Variants in GDF6 observed in about 807,000 individuals in gnomAD.
GDF6 encodes growth/differentiation factor 6.
A neutral mutation model predicts 32.4 loss-of-function variants in GDF6; 3 were observed. The observed-to-expected ratio is 0.09, with a 90% CI of 0.04 to 0.24. The LOEUF (loss-of-function observed/expected upper bound fraction) is 0.24. Among genes scored for constraint, GDF6 ranks in the 10% least tolerant of loss-of-function variants. The pLI is 1.00. For missense variants in GDF6, 589 were observed against 637.9 expected (o/e 0.92, Z 0.83); for synonymous variants, 296 against 295.3 (o/e 1.00, Z -0.03).
chr8:96,151,142 G>A (rs149039134), intron 1 of GDF6, among the ~76,000 whole-genome samples: 2 of 152,200 alleles, frequency 1.3e-5, no homozygotes, highest in Middle Eastern at 3.2e-3. Context: ...CCTCTGTTGA[G>A]ATCTGAGCTT....
chr8:96,145,197 G>A lies in GDF6; in HGVS notation c.734C>T (p.Ala245Val). The A allele has an allele frequency of 6.7e-7, 1 of 1,499,982 alleles. No individual in the cohort carries two copies. Among genetic ancestry groups the A allele is most frequent in the East Asian group, 2.7e-5 (1 of 36,972 alleles). 92.9% of individuals were successfully genotyped at this position (1,499,982 alleles called of 1,614,324 possible). ...AAWGELDAGE[A>V]EARARGPQQP... ...CTGGGGTCCCCGCGCGCGCGCCTCG[G>A]CCTCCCCGGCGTCCAGCTCGCCCCA... Residue 245 changes from alanine to valine, a missense_variant, in exon 2 of 2, where the codon GCC becomes GTC. Physicochemically the swap from Ala to Val is moderately conservative, Grantham distance 64. This residue lies in a region of GDF6 where 436 missense variants were observed against 411.2 expected (regional missense o/e 1.06). Transcript: ENST00000287020. The surrounding 1 kb of genome is among the most constrained non-coding windows in gnomAD (Gnocchi z 5.6).
intron 1 of GDF6, among the ~76,000 whole-genome samples, chr8:96,155,174 C>T (rs1368768409): frequency 2.0e-5 from 3 of 152,236 alleles, no homozygotes; most frequent in Admixed American, 6.5e-5. Context: ...TCCCAGAGGC[C>T]CGAGAGCCTC....
chr8:96,158,728 G>T (rs956916607), intron 1 of GDF6, among the ~76,000 whole-genome samples: 25 of 152,234 alleles, frequency 1.6e-4, no homozygotes, highest in African/African-American at 5.5e-4. Context: ...CAAGGCGTGC[G>T]TCGTGGGGAG....
chr8:96,143,310 A>G lies in GDF6; in HGVS notation c.*1253T>C, dbSNP rs1443864502. 1 of 152,690 alleles carries G rather than the reference A, an allele frequency of 6.5e-6. No individual in the cohort carries two copies. Among genetic ancestry groups the G allele is most frequent in the East Asian group, 1.9e-4 (1 of 5,200 alleles). 9.5% of individuals were successfully genotyped at this position (152,690 alleles called of 1,614,324 possible). A position where few individuals can be genotyped will look rare whatever the true frequency, so the allele number is the denominator to read the frequency against. ...ATTGCTGGCTGGTAATCTTTCAGGA[A>G]TGTCAAAGAGAGGGGAGGGAACTCA... On this transcript the variant is annotated 3_prime_UTR_variant, in exon 2 of 2. Coordinates refer to ENST00000287020, the MANE Select transcript of GDF6 (RefSeq NM_001001557.4).
At position 96,144,794 on chromosome 8, in the gene GDF6, C is replaced by G; in HGVS notation, c.1137G>C (p.Glu379Asp). The change falls in exon 2 of 2, where the codon GAG (glutamate) becomes GAC (aspartate). Residue 379 changes from glutamate (E) to aspartate (D), a missense_variant. Physicochemically the swap from Glu to Asp is conservative, Grantham distance 45. Transcript: ENST00000287020. This position sits in a 1 kb window ranked among gnomAD's most constrained non-coding sequence, Gnocchi z 5.1. Reference sequence around the variant, plus strand: ...CGCATACACCCTCGCAGTGATAGGCCTCGTACTCCAGGGGCGCGATAATCC... The same window carrying G: ...CGCATACACCCTCGCAGTGATAGGCGTCGTACTCCAGGGGCGCGATAATCC... ...DDWIIAPLEY[E>D]AYHCEGVCDF... The G allele has an allele frequency of 6.2e-7, 1 of 1,614,102 alleles. No individual in the cohort carries two copies. Among genetic ancestry groups the G allele is most frequent in the Non-Finnish European group, 8.5e-7 (1 of 1,180,010 alleles).
At position 96,145,047 on chromosome 8, in the gene GDF6, T is replaced by C; in HGVS notation, c.884A>G (p.Glu295Gly). 1 of 1,478,108 alleles carries C rather than the reference T, an allele frequency of 6.8e-7. No homozygotes were observed. The highest frequency in any genetic ancestry group is 1.3e-5 in the South Asian group (1 of 74,728). The allele number at this position is 1,478,108 out of a possible 1,614,324, so 91.6% of individuals were successfully genotyped here. ...CGCAGCCTCGGCCGAGCCCAGCTGC[T>C]CGCGCATCTCTGCGAACAGGTTCTT... ...QRKNLFAEMREQLGSAEAAGP... is the reference protein window; with the variant it reads ...QRKNLFAEMRGQLGSAEAAGP... The change falls in exon 2 of 2, where the codon GAG becomes GGG. Residue 295 changes from glutamate (E) to glycine (G), a missense_variant. Glu to Gly is a moderately conservative substitution (Grantham distance 98). Coordinates refer to ENST00000287020, the MANE Select transcript of GDF6 (RefSeq NM_001001557.4). The surrounding 1 kb of genome is among the most constrained non-coding windows in gnomAD (Gnocchi z 5.6).
intron 1 of GDF6, among the ~76,000 whole-genome samples, chr8:96,150,936 G>A (rs1419205225): frequency 3.9e-5 from 6 of 152,136 alleles, no homozygotes; most frequent in East Asian, 1.9e-4. Context: ...CTCACCTTCC[G>A]CGCTGCACTG....
intron 1 of GDF6, among the ~76,000 whole-genome samples, chr8:96,153,600 C>G (rs1477053320): frequency 6.6e-6 from 1 of 152,160 alleles, no homozygotes; most frequent in Non-Finnish European, 1.5e-5. Context: ...GCTAGGGGAG[C>G]GGAAAGGGAG....
intron 1 of GDF6, among the ~76,000 whole-genome samples, chr8:96,151,925 GGTCAGA>G (rs556071478): frequency 1.8e-4 from 28 of 152,242 alleles, no homozygotes; most frequent in African/African-American, 6.0e-4. Flanking sequence ...TCATTGTAAA[GGTCAGA>G]GTCAAAGTAC....
chr8:96,158,632 T>G (rs898406076), intron 1 of GDF6, among the ~76,000 whole-genome samples: 32 of 152,180 alleles, frequency 2.1e-4, no homozygotes, highest in Non-Finnish European at 1.5e-5. Flanking sequence ...AGCAGTCTTC[T>G]CTGAGCTTCC....
Position 96,144,290 on chromosome 8 carries a change from G to GAGAAAA in GDF6, c.*272_*273insTTTTCT. On this transcript the variant is annotated 3_prime_UTR_variant, in exon 2 of 2. Transcript: ENST00000287020. The surrounding 1 kb of genome is among the most constrained non-coding windows in gnomAD (Gnocchi z 5.1). ...AGAGAGAGAGAGAGAGAGAGAGAGA[G>GAGAAAA]AAAACAGAACAAAAGAAATCCTCCT... 1 of 439,186 alleles carries GAGAAAA rather than the reference G, an allele frequency of 2.3e-6. No individual in the cohort carries two copies. The highest frequency in any genetic ancestry group is 4.0e-6 in the Non-Finnish European group (1 of 248,092). 27.2% of individuals were successfully genotyped at this position (439,186 alleles called of 1,614,324 possible). A position where few individuals can be genotyped will look rare whatever the true frequency, so the allele number is the denominator to read the frequency against.
intron 1 of GDF6, among the ~76,000 whole-genome samples, chr8:96,153,518 G>A (rs1812606199): frequency 6.6e-6 from 1 of 152,192 alleles, no homozygotes; most frequent in East Asian, 1.9e-4. Context: ...GTTGGCTAGG[G>A]GCGGCCTTCC....
At position 96,160,564 on chromosome 8, in the gene GDF6, C is replaced by T. The variant is rs1313549627; in HGVS notation, c.129G>A (p.Met43Ile). The T allele has an allele frequency of 2.5e-6, 4 of 1,613,646 alleles. No individual in the cohort carries two copies. The highest frequency in any genetic ancestry group is 3.4e-6 in the Non-Finnish European group (4 of 1,179,712). Residue 43 changes from methionine (M) to isoleucine (I), a missense_variant, in exon 1 of 2, where the codon ATG becomes ATA. Around this residue, in one of 2 missense-constraint regions of GDF6, gnomAD observed 436 missense variants for 411.2 expected, o/e 1.06. Coordinates refer to ENST00000287020, the MANE Select transcript of GDF6 (RefSeq NM_001001557.4). Reference protein sequence around the residue: ...SSAELGSTKGMRSRKEGKMQR... With the variant: ...SSAELGSTKGIRSRKEGKMQR... ...GCATCTTGCCTTCCTTGCGGCTTCG[C>T]ATGCCCTTGGTGGAACCCAGCTCGG...
intron 1 of GDF6, among the ~76,000 whole-genome samples, chr8:96,153,435 G>T (rs949821148): frequency 4.6e-5 from 7 of 152,164 alleles, no homozygotes; most frequent in Non-Finnish European, 1.0e-4. Flanking sequence ...CTGTTCCCGC[G>T]CTGAGCCCTC....
At chr8:96,159,228 T>C (rs963522350) in intron 1 of GDF6, among the ~76,000 whole-genome samples, 3 of 152,196 alleles carry the variant, frequency 2.0e-5, no homozygotes, top group African/African-American at 7.2e-5. Flanking sequence ...CTCTTTACTC[T>C]TCCTTTCCTT....
At chr8:96,150,435 C>T (rs1336781393) in intron 1 of GDF6, among the ~76,000 whole-genome samples, 2 of 152,244 alleles carry the variant, frequency 1.3e-5, no homozygotes, top group African/African-American at 4.8e-5. Flanking sequence ...TTCCCTTACC[C>T]CCTCATTTTA....
At chr8:96,148,108 T>A (rs1450402845) in intron 1 of GDF6, among the ~76,000 whole-genome samples, 1 of 152,240 alleles carries the variant, frequency 6.6e-6, no homozygotes, top group Non-Finnish European at 1.5e-5. Context: ...CCTTAGGATT[T>A]CTGATGATCT....
chr8:96,148,771 C>T (rs1309838593), intron 1 of GDF6, among the ~76,000 whole-genome samples: 1 of 152,200 alleles, frequency 6.6e-6, no homozygotes, highest in Admixed American at 6.5e-5. Flanking sequence ...CCAGCCCATT[C>T]GTGGCCCCCA....
intron 1 of GDF6, among the ~76,000 whole-genome samples, chr8:96,147,231 C>T (rs1186758419): frequency 1.3e-5 from 2 of 152,186 alleles, no homozygotes; most frequent in African/African-American, 4.8e-5. Context: ...GCACATGCCC[C>T]AACCTGAGAT....
Sources: allele counts gnomAD v4.1 joint callset (sites outside exome capture counted in the v4.1 genomes callset), GRCh38; gene constraint gnomAD v4.1.1; regional missense constraint gnomAD v4.1.1; non-coding constraint Gnocchi (gnomAD v3.1); transcripts MANE v1.5; gene names NCBI Gene and HGNC (gene_info 2026-07-23, HGNC 2026-07-21).